The following RASGRF1 variants were observed in gnomAD, a reference collection of about 807,000 sequenced individuals.
RASGRF1 encodes Ras protein specific guanine nucleotide releasing factor 1.
A neutral mutation model predicts 138.7 loss-of-function variants in RASGRF1; 40 were observed. The ratio of observed to expected loss-of-function variants is 0.29; its 90% CI spans 0.22 to 0.38. RASGRF1 has a LOEUF of 0.38. RASGRF1 is among the 10% of genes least tolerant of loss of function. The pLI, the probability that RASGRF1 is intolerant of heterozygous loss-of-function variation, is 1.00. For missense variants in RASGRF1, 1,108 were observed against 1,650.4 expected, an observed-to-expected ratio of 0.67 and a Z score of 5.69; for synonymous variants, 614 against 663.2, an observed-to-expected ratio of 0.93 and a Z score of 1.14.
rs748193129 is a variant in RASGRF1, at chr15:78,999,897, G to C, written c.2592C>G (p.Ser864=). 19 of 1,613,990 alleles carry C rather than the reference G, an allele frequency of 1.2e-5. No homozygotes were observed. Among genetic ancestry groups the C allele is most frequent in the Non-Finnish European group, 1.6e-5 (19 of 1,179,980 alleles). The change falls in exon 17 of 27, where the codon TCC becomes TCG. Residue 864 remains serine, a synonymous_variant. Transcript: ENST00000558480. ...AGGTCATGACGACTCCATTGTTATA[G>C]GAAAAGAGTGGGAACTCTGCAGAGA... ...NKNSSEFPLF[S]YNNGVVMTSC...
chr15:79,035,282 C>A (rs889315190), intron 5 of RASGRF1, 72 bp from the exon 6 acceptor site: 81 of 1,279,274 alleles, frequency 6.3e-5, no homozygotes, highest in Non-Finnish European at 8.3e-5. Context: ...TGTCCCCAAA[C>A]CTCCTGCGTG....
chr15:79,002,790 G>A (rs1337108140), intron 15 of RASGRF1, among the ~76,000 whole-genome samples: 1 of 152,220 alleles, frequency 6.6e-6, no homozygotes, highest in Non-Finnish European at 1.5e-5. Flanking sequence ...GCCTGGCGGA[G>A]GATTTATCTT....
chr15:79,084,247 T>C (rs537568828), intron 1 of RASGRF1, among the ~76,000 whole-genome samples: 11 of 152,240 alleles, frequency 7.2e-5, no homozygotes, highest in Non-Finnish European at 1.0e-4. Flanking sequence ...CTGTGCAGGT[T>C]TGGCAAATAC....
intron 13 of RASGRF1, among the ~76,000 whole-genome samples, chr15:79,008,844 G>A (rs1252571205): frequency 1.3e-5 from 2 of 152,166 alleles, no homozygotes; most frequent in African/African-American, 2.4e-5. Flanking sequence ...CCCTGACTCC[G>A]TGACGATGTG....
At chr15:78,970,621 C>CAAAAAAAAAAAAAAAAAA (rs55689628) in intron 26 of RASGRF1, among the ~76,000 whole-genome samples, 11 of 57,876 alleles carry the variant, frequency 1.9e-4, no homozygotes, top group South Asian at 6.5e-4. Context: ...GACTCTGTCT[C>CAAAAAAAAAAAAAAAAAA]AAAAAAAAAA....
chr15:79,007,022 A>G (rs2056690363), intron 13 of RASGRF1, among the ~76,000 whole-genome samples: 1 of 152,196 alleles, frequency 6.6e-6, no homozygotes, highest in African/African-American at 2.4e-5. Flanking sequence ...AAAAAAAAAT[A>G]TGTGTACATG....
In RASGRF1 at chr15:79,001,730, C is replaced by G. The variant is rs2056531535; in HGVS notation, c.2507G>C (p.Gly836Ala). The part of the protein sequence containing the change: ...SDIDQNQSDD[G>A]DTETSPTKSP... ...TTTAGTTGGTGATGTTTCAGTATCACCATCATCACTCTGGTTTTGATCAAT... is the reference window on the plus strand; with the variant it reads ...TTTAGTTGGTGATGTTTCAGTATCAGCATCATCACTCTGGTTTTGATCAAT... The change falls in exon 16 of 27, where the codon GGT (glycine) becomes GCT (alanine). Residue 836 changes from glycine (G) to alanine (A), a missense_variant. By Grantham distance (60) the Gly-to-Ala change is moderately conservative (BLOSUM62 0). Transcript: ENST00000558480. The G allele has an allele frequency of 6.2e-7, 1 of 1,610,096 alleles. No homozygotes were observed. The highest frequency in any genetic ancestry group is 1.7e-5 in the Admixed American group (1 of 59,976).
rs752838857 is a variant in RASGRF1, at chr15:79,090,319, C to T, written c.180G>A (p.Ser60=). 3.1e-6 allele frequency: 5 copies of T among 1,613,750 alleles called. No homozygotes were observed. In the African/African-American group the frequency reaches 4.0e-5, roughly 13 times the overall value. Residue 60 remains serine, a synonymous_variant, in exon 1 of 27, where the codon TCG becomes TCA. Coordinates refer to ENST00000558480, the MANE Select transcript of RASGRF1 (RefSeq NM_001145648.3). Reference sequence around the variant, plus strand: ...CCAGCAGGTAAAGCCCCGAGGGCCGCGAGCTCGAGTCGCTCTCGAAGTAGA... The same window carrying T: ...CCAGCAGGTAAAGCCCCGAGGGCCGTGAGCTCGAGTCGCTCTCGAAGTAGA... The part of the protein sequence containing the change: ...LLFYFESDSS[S]RPSGLYLLEG...
At chr15:78,983,636 A>T (rs935531094) in intron 23 of RASGRF1, among the ~76,000 whole-genome samples, 5 of 152,214 alleles carry the variant, frequency 3.3e-5, no homozygotes, top group African/African-American at 1.2e-4. Context: ...GGGCCCCCAG[A>T]CTGTGGCAAG....
At chr15:78,998,252 G>A (rs1200048402) in intron 18 of RASGRF1, 44 bp from the exon 19 acceptor site, 1 of 1,524,310 alleles carries the variant, frequency 6.6e-7, no homozygotes, top group Non-Finnish European at 9.1e-7. Flanking sequence ...CTGTTTTTGA[G>A]CTGCTCTGCA....
chr15:79,013,634 G>A (rs1026454851), intron 13 of RASGRF1, among the ~76,000 whole-genome samples: 4 of 152,240 alleles, frequency 2.6e-5, no homozygotes, highest in African/African-American at 7.2e-5. Flanking sequence ...GAGTCCTAGC[G>A]TGCACCAGAT....
chr15:79,013,746 T>G (rs1327252584), intron 13 of RASGRF1, among the ~76,000 whole-genome samples: 1 of 152,074 alleles, frequency 6.6e-6, no homozygotes, highest in Non-Finnish European at 1.5e-5. Flanking sequence ...GGGTTAGGCG[T>G]GCAGGTGACT....
At chr15:78,963,452 C>G (rs531843058) in intron 26 of RASGRF1, among the ~76,000 whole-genome samples, 2 of 152,224 alleles carry the variant, frequency 1.3e-5, no homozygotes, top group African/African-American at 4.8e-5. Flanking sequence ...CAGGCATGCA[C>G]CACCATGCCT....
chr15:78,998,289 G>C, intron 18 of RASGRF1, 81 bp from the exon 19 acceptor site: 1 of 1,189,674 alleles, frequency 8.4e-7, no homozygotes, highest in South Asian at 1.3e-5. Flanking sequence ...CCAGAGGAAG[G>C]AGCTCCAGTT....
At chr15:79,011,646 T>C (rs1016725757) in intron 13 of RASGRF1, among the ~76,000 whole-genome samples, 2 of 152,214 alleles carry the variant, frequency 1.3e-5, no homozygotes, top group Non-Finnish European at 2.9e-5. Context: ...GGCAATTCTG[T>C]GCCATTGGCC....
intron 5 of RASGRF1, 32 bp from the exon 6 acceptor site, chr15:79,035,242 C>G: frequency 1.3e-6 from 2 of 1,560,360 alleles, no homozygotes; most frequent in Non-Finnish European, 8.8e-7. Context: ...CAGCTCTGCC[C>G]CAGGGACTTC....
chr15:79,020,007 C>G, intron 11 of RASGRF1, 34 bp downstream of exon 11: 1 of 1,610,158 alleles, frequency 6.2e-7, no homozygotes, highest in Non-Finnish European at 8.5e-7. Flanking sequence ...TCTGTGCAAG[C>G]ACACACATGC....
At chr15:79,017,635 A>C (rs2056897736) in intron 12 of RASGRF1, 135 bp downstream of exon 12, 4 of 1,170,290 alleles carry the variant, frequency 3.4e-6, no homozygotes, top group Non-Finnish European at 4.6e-6. Flanking sequence ...TGGACTTGGA[A>C]GATTCTTGCA....
intron 8 of RASGRF1, 54 bp downstream of exon 8, chr15:79,031,346 A>G: frequency 7.3e-7 from 1 of 1,376,384 alleles, no homozygotes; most frequent in Non-Finnish European, 1.0e-6. Context: ...GGTGAGGGGC[A>G]CCCTCAGCCC....
Sources: gnomAD v4.1 joint callset for allele counts (sites outside exome capture counted in the v4.1 genomes callset) on GRCh38, gnomAD v4.1.1 for gene constraint, MANE v1.5 for transcripts, NCBI Gene and HGNC (gene_info 2026-07-23, HGNC 2026-07-21) for gene names.